TRPM8: variants seen among roughly 807,000 people sequenced by gnomAD.
TRPM8 encodes TRPM8 cationic channel.
TRPM8 carries 110 observed loss-of-function variants against 133.7 expected under a neutral mutation model. That is an observed-to-expected ratio of 0.82 (90% CI 0.70 to 0.96). The LOEUF (loss-of-function observed/expected upper bound fraction) is 0.96, where lower values mean the gene tolerates loss of function less well. Among genes scored for constraint, TRPM8 ranks in the 40% least tolerant of loss-of-function variants. TRPM8 has a pLI of 0.00. For missense variants in TRPM8, 1,291 were observed against 1,379.5 expected (o/e 0.94, Z 1.02); for synonymous variants, 535 against 532.3 (o/e 1.01, Z -0.07).
rs546998862 is a variant in TRPM8 at position 233,971,222 on chromosome 2, C to T, written c.2355+796C>T. Among the ~76,000 whole-genome samples, 6 of 152,258 alleles carry T rather than the reference C, an allele frequency of 3.9e-5. No homozygotes were observed. In the South Asian group the frequency reaches 8.3e-4, roughly 21 times the overall value. On this transcript the variant is annotated intron_variant, in intron 17 of 25. Coordinates refer to ENST00000324695, the MANE Select transcript of TRPM8 (RefSeq NM_024080.5). ...ACTTACAGTTTCCGAGGTACAATGCCGTGTGCTATGATAGATCTGGAGGGG... is the reference window on the plus strand; with the variant it reads ...ACTTACAGTTTCCGAGGTACAATGCTGTGTGCTATGATAGATCTGGAGGGG...
chr2:233,990,538 T>A (rs1472401065), intron 21 of TRPM8, among the ~76,000 whole-genome samples: 3 of 152,046 alleles, frequency 2.0e-5, no homozygotes. Flanking sequence ...AGTACATCCA[T>A]CGCATGTCTT....
chr2:233,954,243 T>C (rs1156658086), intron 10 of TRPM8, among the ~76,000 whole-genome samples: 1 of 152,230 alleles, frequency 6.6e-6, no homozygotes, highest in African/African-American at 2.4e-5. Flanking sequence ...ATTAAAATAC[T>C]GGTCAAACAA....
In TRPM8 at chr2:233,960,965, G is replaced by A; in HGVS notation, c.1552G>A (p.Asp518Asn). ...NLQIAKNSYN[D>N]ALLTFVWKLV... ...GCAGATCGCCAAGAATTCCTATAAT[G>A]ATGCCCTCCTCACGTTTGTCTGGAA... Residue 518 changes from aspartate (D) to asparagine (N), a missense_variant, in exon 12 of 26, where the codon GAT becomes AAT. Physicochemically the swap from Asp to Asn is conservative, Grantham distance 23. Coordinates refer to ENST00000324695, the MANE Select transcript of TRPM8 (RefSeq NM_024080.5). 1 of 1,614,092 alleles carries A rather than the reference G, an allele frequency of 6.2e-7. No homozygotes were observed. Among genetic ancestry groups the A allele is most frequent in the Non-Finnish European group, 8.5e-7 (1 of 1,180,042 alleles).
At chr2:233,968,057 G>T (rs978862571) in intron 15 of TRPM8, 6 of 152,222 alleles carry the variant, frequency 3.9e-5, no homozygotes, top group African/African-American at 1.4e-4. Flanking sequence ...AGGGTGCTGT[G>T]TGGGGTCAGA....
chr2:233,943,107 TG>T lies in TRPM8; in HGVS notation c.699+360del, dbSNP rs1230784598. Reference sequence around the variant, plus strand: ...TTTTTTACACCCACTAGGATGGCTATGTTTTTTTTTTTATTATTATACTTTA... The same window carrying T: ...TTTTTTACACCCACTAGGATGGCTATTTTTTTTTTTTATTATTATACTTTA... On this transcript the variant is annotated intron_variant, in intron 6 of 25. Transcript: ENST00000324695. 2.9e-3 allele frequency: 1,023 copies of T among 354,040 alleles called. 14 individuals are homozygous for T. The highest frequency in any genetic ancestry group is 0.021 in the African/African-American group (933 of 45,500). 21.9% of individuals were successfully genotyped at this position (354,040 alleles called of 1,614,324 possible).
rs756474945 is a variant in TRPM8 at position 233,950,041 on chromosome 2, G to A, written c.1035G>A (p.Val345=). 2.5e-6 allele frequency: 4 copies of A among 1,614,164 alleles called. No homozygotes were observed. Among genetic ancestry groups the A allele is most frequent in the Non-Finnish European group, 1.7e-6 (2 of 1,180,040 alleles). Reference sequence around the variant, plus strand: ...ATGTGATCGCTAGCCTGGTGGAGGTGGAGGATGCCCTGACATCTTCTGCCG... The same window carrying A: ...ATGTGATCGCTAGCCTGGTGGAGGTAGAGGATGCCCTGACATCTTCTGCCG... ...IADVIASLVE[V]EDALTSSAVK... The change falls in exon 9 of 26, where the codon GTG becomes GTA. Residue 345 remains valine, a synonymous_variant. Transcript: ENST00000324695.
intron 2 of TRPM8, among the ~76,000 whole-genome samples, chr2:233,927,595 C>T (rs1469360623): frequency 1.3e-5 from 2 of 152,096 alleles, no homozygotes; most frequent in Admixed American, 6.5e-5. Flanking sequence ...GCTTTTCCAG[C>T]GTTTACCCCC....
chr2:233,943,380 A>G (rs1690965652), intron 6 of TRPM8, among the ~76,000 whole-genome samples: 1 of 152,182 alleles, frequency 6.6e-6, no homozygotes, highest in African/African-American at 2.4e-5. Context: ...ATGGAATACT[A>G]TGCAGCCACA....
intron 22 of TRPM8, among the ~76,000 whole-genome samples, chr2:233,997,685 CT>C (rs1692444755): frequency 6.6e-6 from 1 of 152,136 alleles, no homozygotes; most frequent in Admixed American, 6.5e-5. Flanking sequence ...ACCCCAGCCT[CT>C]GGTTTCCAGG....
chr2:233,974,378 C>T (rs1003855705), intron 17 of TRPM8, among the ~76,000 whole-genome samples: 2 of 152,128 alleles, frequency 1.3e-5, no homozygotes, highest in African/African-American at 4.8e-5. Flanking sequence ...GGACTACAGG[C>T]ACGCACCACC....
At chr2:233,932,100 T>C (rs1691691314) in intron 3 of TRPM8, among the ~76,000 whole-genome samples, 1 of 152,220 alleles carries the variant, frequency 6.6e-6, no homozygotes, top group Non-Finnish European at 1.5e-5. Flanking sequence ...CTCAGTTACA[T>C]ATGTTCAATC....
At position 233,964,721 on chromosome 2, in the gene TRPM8, G is replaced by T. The variant is rs757910258; in HGVS notation, c.1843G>T (p.Glu615Ter). ...KNDINAAGES[E>*]ELANEYETRA... Reference sequence around the variant, plus strand: ...CGACATCAATGCTGCTGGGGAGTCCGAGGAGCTGGCTAATGAGTACGAGAC... The same window carrying T: ...CGACATCAATGCTGCTGGGGAGTCCTAGGAGCTGGCTAATGAGTACGAGAC... The change falls in exon 14 of 26, where the codon GAG becomes TAG. Residue 615 changes from glutamate to a stop codon, truncating the protein, a stop_gained. Transcript: ENST00000324695. LOFTEE classifies it high-confidence loss of function. 2 of 1,613,104 alleles carry T rather than the reference G, an allele frequency of 1.2e-6. No homozygotes were observed. The highest frequency in any genetic ancestry group is 1.7e-5 in the Admixed American group (1 of 60,008).
Position 233,981,754 on chromosome 2 carries a change from G to C in TRPM8, c.2448-20G>C. 6.3e-7 allele frequency: 1 copy of C among 1,585,038 alleles called. No homozygotes were observed. The highest frequency in any genetic ancestry group is 8.5e-7 in the Non-Finnish European group (1 of 1,171,074). On this transcript the variant is annotated intron_variant, in intron 18 of 25. Transcript: ENST00000324695. ...GTTTTGTCAATATCTCATGAATTCTGTTCCTTCTTTTCCCCCTAGGCTCCA... is the reference window on the plus strand; with the variant it reads ...GTTTTGTCAATATCTCATGAATTCTCTTCCTTCTTTTCCCCCTAGGCTCCA...
At chr2:233,971,605 C>T (rs1012626991) in intron 17 of TRPM8, among the ~76,000 whole-genome samples, 2 of 152,016 alleles carry the variant, frequency 1.3e-5, no homozygotes, top group Admixed American at 6.5e-5. Flanking sequence ...AGCCGCGGAC[C>T]CTTGCGGTGA....
At chr2:234,010,964 A>C (rs757106558) in intron 24 of TRPM8, among the ~76,000 whole-genome samples, 8 of 152,148 alleles carry the variant, frequency 5.3e-5, no homozygotes, top group Non-Finnish European at 1.0e-4. Context: ...GTTGTGAAGA[A>C]GGTTTTGTTT....
At chr2:233,930,537 C>A (rs1295497750) in intron 2 of TRPM8, 131 bp from the exon 3 acceptor site, 1 of 606,646 alleles carries the variant, frequency 1.6e-6, no homozygotes, top group Non-Finnish European at 2.7e-6. Context: ...TGAACAAATG[C>A]TGGATGCTAT....
intron 3 of TRPM8, among the ~76,000 whole-genome samples, chr2:233,935,446 C>T (rs1426982525): frequency 6.6e-6 from 1 of 152,212 alleles, no homozygotes; most frequent in Non-Finnish European, 1.5e-5. Context: ...TGGTGAATGG[C>T]TGACCACAAA....
intron 15 of TRPM8, 28 bp from the exon 16 acceptor site, chr2:233,969,667 C>CTTGTT: frequency 7.0e-7 from 1 of 1,425,320 alleles, no homozygotes; most frequent in Non-Finnish European, 9.9e-7. Context: ...TAATAAGGAC[C>CTTGTT]TTGTTCTCTG....
chr2:233,932,069 G>A (rs1298019533), intron 3 of TRPM8, among the ~76,000 whole-genome samples: 2 of 152,210 alleles, frequency 1.3e-5, no homozygotes, highest in Non-Finnish European at 2.9e-5. Context: ...GCTTTGGGCA[G>A]AACAAATTCC....
Sources: gnomAD v4.1 joint callset for allele counts (sites outside exome capture counted in the v4.1 genomes callset) on GRCh38, gnomAD v4.1.1 for gene constraint, MANE v1.5 for transcripts, NCBI Gene and HGNC (gene_info 2026-07-23, HGNC 2026-07-21) for gene names.